Variants in KATNIP observed in about 807,000 individuals in gnomAD.
KATNIP encodes katanin interacting protein.
Under a neutral mutation model 174.0 loss-of-function variants are expected in KATNIP, and 126 were observed. The ratio of observed to expected loss-of-function variants is 0.72; its 90% CI spans 0.63 to 0.84. KATNIP has a LOEUF of 0.84. Ranked by LOEUF, KATNIP falls within the 40% of genes least tolerant of loss-of-function variation. The probability of loss-of-function intolerance (pLI) is 0.00; values close to 1 mark genes in which losing one functional copy is unlikely to be tolerated. For missense variants in KATNIP, 1,958 were observed against 2,109.7 expected, an observed-to-expected ratio of 0.93 and a Z score of 1.41; for synonymous variants, 810 against 835.7, an observed-to-expected ratio of 0.97 and a Z score of 0.53.
chr16:27,699,735 T>A, intron 10 of KATNIP, 136 bp downstream of exon 10: 1 of 1,139,698 alleles, frequency 8.8e-7, no homozygotes, highest in Non-Finnish European at 1.2e-6. Flanking sequence ...TCCTTCACAC[T>A]GTCCTACCAG....
Position 27,740,510 on chromosome 16 carries a change from A to G in KATNIP, c.2213A>G (p.Asn738Ser), listed in dbSNP as rs199708748. 1 of 1,613,980 alleles carries G rather than the reference A, an allele frequency of 6.2e-7. No homozygotes were observed. Among genetic ancestry groups the G allele is most frequent in the Non-Finnish European group, 8.5e-7 (1 of 1,179,980 alleles). ...EEPSLIQQLE[N>S]LMGRKICEPP... ...CCCTCTCTCATCCAACAACTGGAAA[A>G]CCTCATGGGCAGAAAAATCTGTGAG... The change falls in exon 15 of 28, where the codon AAC becomes AGC. Residue 738 changes from asparagine (N) to serine (S), a missense_variant. By Grantham distance (46) the Asn-to-Ser change is conservative. Around this residue, in one of 3 missense-constraint regions of KATNIP, gnomAD observed 1,557 missense variants for 1,617.8 expected, o/e 0.96. Coordinates refer to ENST00000261588, the MANE Select transcript of KATNIP (RefSeq NM_015202.5).
chr16:27,566,559 G>A (rs1347880651), intron 1 of KATNIP, among the ~76,000 whole-genome samples: 2 of 151,872 alleles, frequency 1.3e-5, no homozygotes, highest in South Asian at 2.1e-4. Context: ...GTTGAAATGG[G>A]GGTATGGGGG....
chr16:27,733,194 C>T (rs921198913), intron 14 of KATNIP, among the ~76,000 whole-genome samples: 7 of 152,168 alleles, frequency 4.6e-5, no homozygotes, highest in Non-Finnish European at 4.4e-5. Flanking sequence ...ACAGTGGAAC[C>T]GTGCCGCCAT....
At chr16:27,693,205 T>C (rs2078795172) in intron 8 of KATNIP, among the ~76,000 whole-genome samples, 1 of 152,186 alleles carries the variant, frequency 6.6e-6, no homozygotes, top group Non-Finnish European at 1.5e-5. Context: ...TGCTTTACTT[T>C]CTCATCTCTC....
chr16:27,668,732 G>A (rs1042372898), intron 6 of KATNIP, among the ~76,000 whole-genome samples: 8 of 152,208 alleles, frequency 5.3e-5, no homozygotes, highest in Non-Finnish European at 1.0e-4. Context: ...GTGGCTGGGT[G>A]TGGTGGTTCA....
chr16:27,559,162 G>A (rs1187813430), intron 1 of KATNIP, among the ~76,000 whole-genome samples: 1 of 152,228 alleles, frequency 6.6e-6, no homozygotes, highest in Non-Finnish European at 1.5e-5. Flanking sequence ...ACTGTTTGCA[G>A]AGCACTTTAT....
intron 6 of KATNIP, among the ~76,000 whole-genome samples, chr16:27,674,947 A>G (rs923429729): frequency 6.6e-6 from 1 of 152,234 alleles, no homozygotes; most frequent in South Asian, 2.1e-4. Flanking sequence ...GTTATGGGTA[A>G]GACCCTGGGT....
Position 27,638,682 on chromosome 16 carries a change from G to T in KATNIP, c.408+7520G>T, listed in dbSNP as rs554489961. 7.9e-4 allele frequency among the ~76,000 whole-genome samples: 121 copies of T among 152,246 alleles called. 2 individuals are homozygous for T. The South Asian group carries it at 0.023, about 29-fold the overall frequency. On this transcript the variant is annotated intron_variant, in intron 5 of 27. Coordinates refer to ENST00000261588, the MANE Select transcript of KATNIP (RefSeq NM_015202.5). ...ATCAGTGGGGCCACACGGTCGCCTT[G>T]TGTATTCACATTGGTCAGCAGGGGA...
At chr16:27,632,807 G>A (rs988281957) in intron 5 of KATNIP, among the ~76,000 whole-genome samples, 3 of 151,984 alleles carry the variant, frequency 2.0e-5, no homozygotes, top group Non-Finnish European at 2.9e-5. Flanking sequence ...GTGGAGTGCA[G>A]TGGTGTGATC....
chr16:27,719,008 C>T (rs80155555), intron 13 of KATNIP, among the ~76,000 whole-genome samples: 323 of 152,194 alleles, frequency 2.1e-3, no homozygotes, highest in African/African-American at 7.2e-3. Flanking sequence ...TTCCTGGTGA[C>T]GGGGAGTCTG....
chr16:27,565,335 G>A (rs1002873362), intron 1 of KATNIP, among the ~76,000 whole-genome samples: 3 of 151,304 alleles, frequency 2.0e-5, no homozygotes, highest in African/African-American at 4.9e-5. Context: ...GTATGATGTC[G>A]TACCCCTGTA....
chr16:27,627,195 C>T (rs1224256197), intron 3 of KATNIP, among the ~76,000 whole-genome samples: 1 of 152,178 alleles, frequency 6.6e-6, no homozygotes, highest in Non-Finnish European at 1.5e-5. Flanking sequence ...TGATATAGAA[C>T]AAGGCAATTC....
chr16:27,740,700 C>T lies in KATNIP; in HGVS notation c.2403C>T (p.Thr801=), dbSNP rs149030906. Residue 801 remains threonine (T), a synonymous_variant, in exon 15 of 28, where the codon ACC becomes ACT. Coordinates refer to ENST00000261588, the MANE Select transcript of KATNIP (RefSeq NM_015202.5). ...TCATCGGTGAGGGTCCTGGAGAGAC[C>T]GAGGCCAGGGATAAAGGCCTACGGC... ...DDVIGEGPGE[T]EARDKGLRHE... is the part of the protein sequence containing the mutation. 6.6e-5 allele frequency: 107 copies of T among 1,614,110 alleles called. No individual in the cohort carries two copies. In the African/African-American group the frequency reaches 9.2e-4, roughly 14 times the overall value.
chr16:27,745,239 C>A (rs2081247548), intron 15 of KATNIP, among the ~76,000 whole-genome samples: 1 of 152,220 alleles, frequency 6.6e-6, no homozygotes, highest in African/African-American at 2.4e-5. Context: ...GAGAGTGTAG[C>A]CACTCATCAC....
Position 27,749,627 on chromosome 16 carries a change from C to T in KATNIP, c.2667C>T (p.Arg889=), listed in dbSNP as rs1336212897. 4.5e-6 allele frequency: 7 copies of T among 1,559,548 alleles called. No individual in the cohort carries two copies. Among genetic ancestry groups the T allele is most frequent in the East Asian group, 2.3e-5 (1 of 44,382 alleles). The stretch of plus-strand genomic sequence containing the variant: ...GGACGCCGTCACGGTCAAGGTGGCG[C>T]AGTGAGCAGGAGCACACACTTCACG... ...SSRTPSRSRW[R]SEQEHTLHES... is the part of the protein sequence containing the mutation. The change falls in exon 16 of 28, where the codon CGC becomes CGT. Residue 889 remains arginine (R), a synonymous_variant. Coordinates refer to ENST00000261588, the MANE Select transcript of KATNIP (RefSeq NM_015202.5).
chr16:27,569,307 C>T (rs1028622411), intron 1 of KATNIP, among the ~76,000 whole-genome samples: 2 of 152,166 alleles, frequency 1.3e-5, no homozygotes, highest in African/African-American at 4.8e-5. Flanking sequence ...ATGTGCTAAC[C>T]ATTGAAAACG....
rs368270343 is a variant in KATNIP, at chr16:27,716,914, G to T, written c.1606-4644G>T. Reference sequence around the variant, plus strand: ...GGCTGGTGTGCGGTGGGGCGATCTCGGCTCACTGCAACCTCCACCTCCCGG... The same window carrying T: ...GGCTGGTGTGCGGTGGGGCGATCTCTGCTCACTGCAACCTCCACCTCCCGG... On this transcript the variant is annotated intron_variant, in intron 13 of 27. Coordinates refer to ENST00000261588, the MANE Select transcript of KATNIP (RefSeq NM_015202.5). 2.6e-5 allele frequency among the ~76,000 whole-genome samples: 4 copies of T among 151,826 alleles called. No individual in the cohort carries two copies. The East Asian group carries it at 5.8e-4, about 22-fold the overall frequency.
intron 2 of KATNIP, among the ~76,000 whole-genome samples, chr16:27,591,171 T>C (rs2075148300): frequency 6.6e-6 from 1 of 152,004 alleles, no homozygotes; most frequent in South Asian, 2.1e-4. Context: ...AATATAGGAA[T>C]GGAGTTGCAC....
chr16:27,706,433 G>C (rs1271982058), intron 12 of KATNIP, among the ~76,000 whole-genome samples: 1 of 152,162 alleles, frequency 6.6e-6, no homozygotes, highest in Non-Finnish European at 1.5e-5. Flanking sequence ...GTTCCCCTAT[G>C]CTTTATGGCT....
Sources: allele counts gnomAD v4.1 joint callset (sites outside exome capture counted in the v4.1 genomes callset), GRCh38; gene constraint gnomAD v4.1.1; regional missense constraint gnomAD v4.1.1; transcripts MANE v1.5; gene names NCBI Gene and HGNC (gene_info 2026-07-23, HGNC 2026-07-21).